SUSD3: variants seen among roughly 807,000 people sequenced by gnomAD.
The protein encoded by SUSD3 is sushi domain containing 3, also known as sushi domain-containing protein 3.
SUSD3 carries 18 observed loss-of-function variants against 20.6 expected under a neutral mutation model. That is an observed-to-expected ratio of 0.87 (90% CI 0.60 to 1.30). The LOEUF (loss-of-function observed/expected upper bound fraction) is 1.30. Ranked by LOEUF, SUSD3 falls within the 50% of genes most tolerant of loss-of-function variation. SUSD3 has a pLI of 0.00. For synonymous variants in SUSD3, 137 were observed against 141.5 expected (o/e 0.97, Z 0.23); for missense variants, 306 against 346.9 (o/e 0.88, Z 0.94).
At chr9:93,066,294 C>T (rs1418667929) in intron 1 of SUSD3, among the ~76,000 whole-genome samples, 1 of 152,222 alleles carries the variant, frequency 6.6e-6, no homozygotes, top group East Asian at 1.9e-4. Flanking sequence ...AGTGCAGTGG[C>T]ATGATCTCAG....
At chr9:93,068,975 CAA>C (rs1825818339) in intron 1 of SUSD3, 1 of 555,900 alleles carries the variant, frequency 1.8e-6, no homozygotes, top group African/African-American at 1.9e-5. Flanking sequence ...CCAATTATAA[CAA>C]TATATTATAA....
At chr9:93,084,475 T>C in intron 4 of SUSD3, 62 bp from the exon 5 acceptor site, 1 of 1,445,928 alleles carries the variant, frequency 6.9e-7, no homozygotes, top group South Asian at 1.4e-5. Flanking sequence ...TGGGAAGGTA[T>C]GGAGTTGGGG....
At chr9:93,062,695 G>A (rs550917172) in intron 1 of SUSD3, among the ~76,000 whole-genome samples, 22 of 152,294 alleles carry the variant, frequency 1.4e-4, no homozygotes, top group South Asian at 4.1e-4. Flanking sequence ...AGGGGCTCAG[G>A]AGGTCAGTGA....
rs556738504 is a variant in SUSD3, at chr9:93,079,582, C to T, written c.537C>T (p.His179=). ...CCGTGAGCGGGCCCAGCCAGGCGCA[C>T]GACAACCACAGCTTCACCACGTGAG... The part of the protein sequence containing the change: ...NKPVSGPSQA[H]DNHSFTTDHG... The change falls in exon 4 of 5, where the codon CAC becomes CAT. Residue 179 remains histidine, a synonymous_variant. Transcript: ENST00000375472. 1.5e-5 allele frequency: 24 copies of T among 1,613,920 alleles called. No homozygotes were observed. Among genetic ancestry groups the T allele is most frequent in the East Asian group, 2.2e-5 (1 of 44,870 alleles).
At chr9:93,072,698 T>G (rs1438860038) in intron 1 of SUSD3, among the ~76,000 whole-genome samples, 1 of 152,204 alleles carries the variant, frequency 6.6e-6, no homozygotes, top group Non-Finnish European at 1.5e-5. Context: ...TGACTGCTCC[T>G]GGGCAGATGT....
chr9:93,076,876 T>G, intron 2 of SUSD3, among the ~76,000 whole-genome samples: 1 of 152,232 alleles, frequency 6.6e-6, no homozygotes, highest in African/African-American at 2.4e-5. Flanking sequence ...GCAGCAGCTA[T>G]GTTCCAGGCA....
intron 1 of SUSD3, among the ~76,000 whole-genome samples, chr9:93,073,693 G>A (rs1419868564): frequency 1.3e-5 from 2 of 152,154 alleles, no homozygotes; most frequent in African/African-American, 4.8e-5. Context: ...TTCACTGAAC[G>A]TCCTTGAACC....
Position 93,077,841 on chromosome 9 carries a change from C to T in SUSD3, c.278-5C>T, listed in dbSNP as rs1207877649. 6.2e-7 allele frequency: 1 copy of T among 1,614,048 alleles called. No homozygotes were observed. The highest frequency in any genetic ancestry group is 8.5e-7 in the Non-Finnish European group (1 of 1,180,020). On this transcript the variant is annotated splice_region_variant and splice_polypyrimidine_tract_variant and intron_variant, in intron 2 of 4. Coordinates refer to ENST00000375472, the MANE Select transcript of SUSD3 (RefSeq NM_145006.4). ...CCCAGGAGCTGGTGGTTGTCTCCCA[C>T]ACAGTGGTGCCACCACACGAGACCT...
intron 1 of SUSD3, among the ~76,000 whole-genome samples, chr9:93,059,192 TGGCGGGCGGGTGGCGCGGG>T (rs1825409386): frequency 6.6e-6 from 1 of 151,004 alleles, no homozygotes; most frequent in Non-Finnish European, 1.5e-5. Flanking sequence ...CGGCCTCACC[TGGCGGGCGGGTGGCGCGGG>T]GGCGGGAGGG....
intron 2 of SUSD3, among the ~76,000 whole-genome samples, chr9:93,076,201 C>T (rs1826155893): frequency 1.3e-5 from 2 of 152,300 alleles, no homozygotes; most frequent in African/African-American, 4.8e-5. Flanking sequence ...AACCTAGTAG[C>T]GGGCCTCCAA....
chr9:93,070,471 G>A lies in SUSD3; in HGVS notation c.89-5313G>A, dbSNP rs376659867. Among the ~76,000 whole-genome samples the A allele has an allele frequency of 2.8e-3, 420 of 152,368 alleles. 2 individuals are homozygous for A. Among genetic ancestry groups the A allele is most frequent in the South Asian group, 0.014 (69 of 4,832 alleles). ...CAGATACTGAAGGGGCAGAAAGGAT[G>A]GGGGCAGCCCGGGGATAAAGAGCCA... On this transcript the variant is annotated intron_variant, in intron 1 of 4. Transcript: ENST00000375472.
intron 1 of SUSD3, among the ~76,000 whole-genome samples, chr9:93,074,613 A>ATTTT (rs1554748465): frequency 1.7e-5 from 2 of 117,864 alleles, no homozygotes; most frequent in African/African-American, 3.7e-5. Flanking sequence ...TTGGCAGCAG[A>ATTTT]TTCTTTTTTT....
At chr9:93,059,455 G>T (rs1825422120) in intron 1 of SUSD3, among the ~76,000 whole-genome samples, 1 of 152,220 alleles carries the variant, frequency 6.6e-6, no homozygotes, top group Non-Finnish European at 1.5e-5. Context: ...TTGAATTCAA[G>T]AATGTGCTTA....
chr9:93,063,372 G>C (rs1825581305), intron 1 of SUSD3, among the ~76,000 whole-genome samples: 4 of 152,176 alleles, frequency 2.6e-5, no homozygotes, highest in Admixed American at 2.6e-4. Context: ...CCCCAGGCGG[G>C]CAAGTCACCA....
At chr9:93,067,216 G>A (rs1331223342) in intron 1 of SUSD3, among the ~76,000 whole-genome samples, 1 of 152,132 alleles carries the variant, frequency 6.6e-6, no homozygotes, top group Non-Finnish European at 1.5e-5. Flanking sequence ...TTAACACAGT[G>A]TTTTCAAGGT....
chr9:93,068,792 A>G (rs1825811153), intron 1 of SUSD3, among the ~76,000 whole-genome samples: 1 of 152,210 alleles, frequency 6.6e-6, no homozygotes, highest in Non-Finnish European at 1.5e-5. Context: ...AGATACAGTG[A>G]ATATAGTAGA....
rs1367272665 is a variant in SUSD3, at chr9:93,084,948, G to A, written c.*201G>A. 8 of 460,938 alleles carry A rather than the reference G, an allele frequency of 1.7e-5. No individual in the cohort carries two copies. Among genetic ancestry groups the A allele is most frequent in the East Asian group, 7.1e-5 (2 of 28,118 alleles). 28.6% of individuals were successfully genotyped at this position (460,938 alleles called of 1,614,324 possible). ...ACCCCAGTGGGGAGTGTTCTGTTCC[G>A]GCATATCCTGGCCGTAACGATTTTT... On this transcript the variant is annotated 3_prime_UTR_variant, in exon 5 of 5. Coordinates refer to ENST00000375472, the MANE Select transcript of SUSD3 (RefSeq NM_145006.4).
chr9:93,081,283 G>A (rs1042781205), intron 4 of SUSD3, among the ~76,000 whole-genome samples: 2 of 152,158 alleles, frequency 1.3e-5, no homozygotes, highest in Non-Finnish European at 2.9e-5. Flanking sequence ...CTTAGACACC[G>A]GGGTCTGGGC....
chr9:93,069,432 C>T (rs967743054), intron 1 of SUSD3, among the ~76,000 whole-genome samples: 14 of 152,166 alleles, frequency 9.2e-5, no homozygotes, highest in African/African-American at 2.9e-4. Context: ...GCCATCGTAA[C>T]AATATTAAGT....
Sources: allele counts gnomAD v4.1 joint callset (sites outside exome capture counted in the v4.1 genomes callset), GRCh38; gene constraint gnomAD v4.1.1; transcripts MANE v1.5; gene names NCBI Gene and HGNC (gene_info 2026-07-23, HGNC 2026-07-21).